Variants in SAE1 observed in about 807,000 individuals in gnomAD.
SAE1 encodes SUMO1 activating enzyme subunit 1, also known as SUMO-activating enzyme subunit 1.
Under a neutral mutation model 40.6 loss-of-function variants are expected in SAE1, and 11 were observed. The ratio of observed to expected loss-of-function variants is 0.27; its 90% confidence interval spans 0.17 to 0.45. The LOEUF is 0.45. SAE1 is among the 20% of genes least tolerant of loss of function. The pLI, the probability that SAE1 is intolerant of heterozygous loss-of-function variation, is 1.00. For missense variants in SAE1, 373 were observed against 427.3 expected (o/e 0.87, Z 1.12); for synonymous variants, 155 against 154.3 (o/e 1.00, Z -0.03).
intron 6 of SAE1, among the ~76,000 whole-genome samples, chr19:47,172,483 G>A (rs551076150): frequency 6.6e-6 from 1 of 152,208 alleles, no homozygotes; most frequent in South Asian, 2.1e-4. Context: ...CAAGGTTTGG[G>A]TTTGACTTGA....
intron 6 of SAE1, among the ~76,000 whole-genome samples, chr19:47,181,780 CTTTTTTTTT>C (rs36107839): frequency 1.0e-5 from 1 of 96,548 alleles, no homozygotes; most frequent in Admixed American, 1.3e-4. Context: ...CACCTGGCCT[CTTTTTTTTT>C]TTTTTTTTTT....
chr19:47,203,863 G>T (rs2058669311), intron 8 of SAE1, 123 bp downstream of exon 8: 2 of 858,638 alleles, frequency 2.3e-6, no homozygotes, highest in East Asian at 5.2e-5. Flanking sequence ...TTTGTTTCAT[G>T]CCCTCCCCAT....
At position 47,192,234 on chromosome 19, in the gene SAE1, TTTG is replaced by T. The variant is rs754878820; in HGVS notation, c.734-4982_734-4980del. ...TAATTATTATCACCCTTCCTACTGG[TTTG>T]TTGTTGTTGTTGTTGTCGTCGTTGT... On this transcript the variant is annotated intron_variant, in intron 6 of 8. Coordinates refer to ENST00000270225, the MANE Select transcript of SAE1 (RefSeq NM_005500.3). Among the ~76,000 whole-genome samples the T allele has an allele frequency of 2.7e-4, 41 of 151,456 alleles. No individual in the cohort carries two copies. The East Asian group carries it at 3.5e-3, about 13-fold the overall frequency.
rs114262203 is a variant in SAE1, at chr19:47,148,080, C to T, written c.211-2122C>T. On this transcript the variant is annotated intron_variant, in intron 2 of 8. Coordinates refer to ENST00000270225, the MANE Select transcript of SAE1 (RefSeq NM_005500.3). ...TGGCCCTCAACTGTACGTTTTTATCCATGTCCTCGTTTTATATGGGATTCC... is the reference window on the plus strand; with the variant it reads ...TGGCCCTCAACTGTACGTTTTTATCTATGTCCTCGTTTTATATGGGATTCC... Among the ~76,000 whole-genome samples, 683 of 152,138 alleles carry T rather than the reference C, an allele frequency of 4.5e-3. 8 individuals are homozygous for T. Among genetic ancestry groups the T allele is most frequent in the African/African-American group, 0.016 (652 of 41,536 alleles).
intron 6 of SAE1, among the ~76,000 whole-genome samples, chr19:47,191,419 A>C (rs1193757092): frequency 6.6e-6 from 1 of 152,210 alleles, no homozygotes; most frequent in African/African-American, 2.4e-5. Context: ...ATTGCATCAA[A>C]TGTTAAACGC....
chr19:47,197,084 GGCA>G, intron 6 of SAE1, 146 bp from the exon 7 acceptor site: 1 of 688,920 alleles, frequency 1.5e-6, no homozygotes, highest in Non-Finnish European at 2.3e-6. Context: ...AGGAGGCTGA[GGCA>G]GAAGAATCAC....
intron 6 of SAE1, among the ~76,000 whole-genome samples, chr19:47,193,181 C>T (rs1184181853): frequency 2.0e-5 from 3 of 151,824 alleles, no homozygotes; most frequent in Admixed American, 1.3e-4. Flanking sequence ...CCTCAGCCTC[C>T]CGAGTAGCTG....
intron 1 of SAE1, among the ~76,000 whole-genome samples, chr19:47,132,889 C>CAAAA (rs60901263): frequency 2.7e-5 from 3 of 109,446 alleles, no homozygotes; most frequent in Non-Finnish European, 6.1e-5. Flanking sequence ...GGCCCCGTCT[C>CAAAA]AAAAAAAAAA....
chr19:47,178,200 G>A (rs899737195), intron 6 of SAE1, among the ~76,000 whole-genome samples: 2 of 138,890 alleles, frequency 1.4e-5, no homozygotes, highest in African/African-American at 5.4e-5. Context: ...CTGAGGTCGC[G>A]CCACTGCACT....
chr19:47,165,614 C>T (rs1222886339), intron 5 of SAE1, among the ~76,000 whole-genome samples: 2 of 152,216 alleles, frequency 1.3e-5, no homozygotes, highest in Non-Finnish European at 2.9e-5. Context: ...TGAAAGACTC[C>T]TGATTCCCTG....
chr19:47,173,135 T>A (rs187704050), intron 6 of SAE1, among the ~76,000 whole-genome samples: 1 of 152,272 alleles, frequency 6.6e-6, no homozygotes, highest in Admixed American at 6.5e-5. Context: ...TTCGAGCGAT[T>A]CTACAGGCAC....
At chr19:47,183,136 A>G (rs2058521829) in intron 6 of SAE1, among the ~76,000 whole-genome samples, 1 of 152,008 alleles carries the variant, frequency 6.6e-6, no homozygotes. Context: ...GGCTGGTCTC[A>G]AACTCTTGAC....
Position 47,143,041 on chromosome 19 carries a change from T to C in SAE1, c.99-453T>C, listed in dbSNP as rs573553552. Among the ~76,000 whole-genome samples, 68 of 152,312 alleles carry C rather than the reference T, an allele frequency of 4.5e-4. No homozygotes were observed. In the South Asian group the frequency reaches 0.012, roughly 27 times the overall value. On this transcript the variant is annotated intron_variant, in intron 1 of 8. Transcript: ENST00000270225. ...TTGTTGAATGAATTGTTTTGTGCAG[T>C]ATGGATTAGAGCCTGTCTCTTTCCT...
chr19:47,138,115 C>T (rs530696026), intron 1 of SAE1, among the ~76,000 whole-genome samples: 20 of 152,208 alleles, frequency 1.3e-4, no homozygotes, highest in African/African-American at 4.6e-4. Context: ...GTGATCTAGA[C>T]TCACTGCAAC....
chr19:47,193,183 G>A (rs1019659540), intron 6 of SAE1, among the ~76,000 whole-genome samples: 16 of 150,374 alleles, frequency 1.1e-4, no homozygotes, highest in African/African-American at 2.4e-4. Context: ...TCAGCCTCCC[G>A]AGTAGCTGAG....
At chr19:47,197,120 G>T in intron 6 of SAE1, 113 bp from the exon 7 acceptor site, 2 of 1,027,672 alleles carry the variant, frequency 1.9e-6, no homozygotes, top group Non-Finnish European at 2.8e-6. Flanking sequence ...GGCAGAGGTT[G>T]CAGTGAGCCA....
intron 6 of SAE1, among the ~76,000 whole-genome samples, chr19:47,179,192 CAAAAAA>C (rs1227213780): frequency 1.4e-5 from 1 of 72,276 alleles, no homozygotes. Context: ...GCTCTGTCTC[CAAAAAA>C]AAAAAAAAAA....
At chr19:47,182,876 A>C (rs2058519449) in intron 6 of SAE1, among the ~76,000 whole-genome samples, 1 of 152,106 alleles carries the variant, frequency 6.6e-6, no homozygotes, top group South Asian at 2.1e-4. Context: ...TGAGGCCAAT[A>C]GTCCAAGACC....
intron 6 of SAE1, among the ~76,000 whole-genome samples, chr19:47,176,832 CTT>C (rs1324566629): frequency 6.6e-6 from 1 of 152,166 alleles, no homozygotes; most frequent in Non-Finnish European, 1.5e-5. Context: ...CAAAAGGTCT[CTT>C]CTTTTTATTA....
Sources: allele counts gnomAD v4.1 joint callset (sites outside exome capture counted in the v4.1 genomes callset), GRCh38; gene constraint gnomAD v4.1.1; transcripts MANE v1.5; gene names NCBI Gene and HGNC (gene_info 2026-07-23, HGNC 2026-07-21).